Variants in RALYL observed in about 807,000 individuals in gnomAD.
RALYL encodes RNA-binding Raly-like protein.
In RALYL, 29 loss-of-function variants were observed where a neutral mutation model predicts 35.1. That is an observed-to-expected ratio of 0.83 (90% confidence interval 0.61 to 1.13). RALYL has a LOEUF of 1.13. Among genes scored for constraint, RALYL ranks in the 50% most tolerant of loss-of-function variants. The pLI is 0.00. For synonymous variants in RALYL, 120 were observed against 127.6 expected (o/e 0.94, Z 0.40); for missense variants, 359 against 360.4 (o/e 1.00, Z 0.03).
At chr8:84,258,665 G>A (rs1406370559) in intron 1 of RALYL, among the ~76,000 whole-genome samples, 2 of 152,042 alleles carry the variant, frequency 1.3e-5, no homozygotes, top group African/African-American at 2.4e-5. Flanking sequence ...TTTAATGGTT[G>A]GAAAGTAGAT....
intron 6 of RALYL, 120 bp from the exon 7 acceptor site, chr8:84,873,164 A>G (rs1467424852): frequency 3.9e-6 from 2 of 514,420 alleles, no homozygotes; most frequent in East Asian, 6.3e-5. Flanking sequence ...TAAAATTGAA[A>G]AATGTCCTAT....
At chr8:84,218,750 T>C (rs2131276092) in intron 1 of RALYL, among the ~76,000 whole-genome samples, 1 of 152,164 alleles carries the variant, frequency 6.6e-6, no homozygotes, top group Middle Eastern at 3.4e-3. Context: ...TGATTTTCTG[T>C]ACCTACCACA....
At chr8:84,750,447 G>T (rs181262577) in intron 2 of RALYL, among the ~76,000 whole-genome samples, 7 of 152,188 alleles carry the variant, frequency 4.6e-5, no homozygotes, top group Admixed American at 1.3e-4. Context: ...TCTGGCTCCT[G>T]GTTGAAGATG....
At chr8:84,461,904 T>C (rs899824362) in intron 1 of RALYL, among the ~76,000 whole-genome samples, 5 of 151,648 alleles carry the variant, frequency 3.3e-5, no homozygotes, top group African/African-American at 7.2e-5. Context: ...ATGGATATGC[T>C]ATTATTACCA....
intron 1 of RALYL, among the ~76,000 whole-genome samples, chr8:84,412,409 G>T (rs1364916287): frequency 1.3e-5 from 2 of 151,876 alleles, no homozygotes; most frequent in South Asian, 4.1e-4. Flanking sequence ...TTACGTGAAA[G>T]TTCACTTAGA....
At chr8:84,460,333 A>G (rs765844535) in intron 1 of RALYL, among the ~76,000 whole-genome samples, 4 of 151,682 alleles carry the variant, frequency 2.6e-5, no homozygotes, top group Admixed American at 1.3e-4. Context: ...ACTCCTACAA[A>G]TTTCACCTCC....
In RALYL at chr8:84,706,980, T is replaced by C. The variant is rs1242823842; in HGVS notation, c.257-67599T>C. Among the ~76,000 whole-genome samples, 3 of 152,218 alleles carry C rather than the reference T, an allele frequency of 2.0e-5. No homozygotes were observed. In the East Asian group the frequency reaches 5.8e-4, roughly 29 times the overall value. On this transcript the variant is annotated intron_variant, in intron 2 of 8. Coordinates refer to ENST00000521268, the MANE Select transcript of RALYL (RefSeq NM_173848.7). Reference sequence around the variant, plus strand: ...GTACTCAAAGTCTGTACTTTTTCATTATTTCTTTTGATGTCTTTAAATGTT... The same window carrying C: ...GTACTCAAAGTCTGTACTTTTTCATCATTTCTTTTGATGTCTTTAAATGTT...
At position 84,770,484 on chromosome 8, in the gene RALYL, A is replaced by G. The variant is rs148946811; in HGVS notation, c.257-4095A>G. ...TTTGGGCTCGTTCCATATTTTTGCAATTGTGAATTGTGCTGCTATAAATAT... is the reference window on the plus strand; with the variant it reads ...TTTGGGCTCGTTCCATATTTTTGCAGTTGTGAATTGTGCTGCTATAAATAT... On this transcript the variant is annotated intron_variant, in intron 2 of 8. Transcript: ENST00000521268. Among the ~76,000 whole-genome samples the G allele has an allele frequency of 7.7e-3, 1,164 of 150,940 alleles. 16 individuals are homozygous for G. The highest frequency in any genetic ancestry group is 0.026 in the African/African-American group (1,069 of 41,146).
intron 2 of RALYL, among the ~76,000 whole-genome samples, chr8:84,708,886 A>G (rs563354723): frequency 6.6e-6 from 1 of 152,346 alleles, no homozygotes; most frequent in East Asian, 1.9e-4. Context: ...TAGAAGCCAT[A>G]GGATTTTGAA....
chr8:84,758,637 A>ACAAC (rs1554573509), intron 2 of RALYL, among the ~76,000 whole-genome samples: 4 of 151,752 alleles, frequency 2.6e-5, no homozygotes, highest in African/African-American at 7.3e-5. Flanking sequence ...TGATGACATG[A>ACAAC]CAGCCAGCTC....
intron 2 of RALYL, among the ~76,000 whole-genome samples, chr8:84,552,936 C>G (rs1229251068): frequency 2.6e-5 from 4 of 151,594 alleles, no homozygotes; most frequent in Non-Finnish European, 5.9e-5. Context: ...GATTAAAGAT[C>G]CTGAGGTAGG....
chr8:84,735,832 G>A (rs181352940), intron 2 of RALYL, among the ~76,000 whole-genome samples: 2 of 151,824 alleles, frequency 1.3e-5, no homozygotes, highest in African/African-American at 4.8e-5. Context: ...GAGAGAGAGA[G>A]AGAGAGAGAG....
intron 2 of RALYL, among the ~76,000 whole-genome samples, chr8:84,751,485 G>A (rs1809996083): frequency 6.6e-6 from 1 of 152,056 alleles, no homozygotes; most frequent in African/African-American, 2.4e-5. Flanking sequence ...TGGGATTACA[G>A]GCGTGAACCA....
At chr8:84,468,421 A>G (rs1317282330) in intron 1 of RALYL, among the ~76,000 whole-genome samples, 1 of 151,214 alleles carries the variant, frequency 6.6e-6, no homozygotes, top group African/African-American at 2.4e-5. Flanking sequence ...TTGGCTGGAT[A>G]TGAAATTCTG....
chr8:84,329,988 A>G (rs1479892068), intron 1 of RALYL, among the ~76,000 whole-genome samples: 1 of 151,988 alleles, frequency 6.6e-6, no homozygotes, highest in Non-Finnish European at 1.5e-5. Flanking sequence ...AAACTGGAAA[A>G]TCAGAAAAGG....
At chr8:84,615,457 A>G (rs1432957851) in intron 2 of RALYL, among the ~76,000 whole-genome samples, 3 of 144,510 alleles carry the variant, frequency 2.1e-5, no homozygotes, top group African/African-American at 7.6e-5. Flanking sequence ...CACCTGCTTA[A>G]ATGCTCAATA....
At position 84,613,175 on chromosome 8, in the gene RALYL, T is replaced by C. The variant is rs961855659; in HGVS notation, c.256+83598T>C. Among the ~76,000 whole-genome samples, 19 of 151,822 alleles carry C rather than the reference T, an allele frequency of 1.3e-4. 1 individual carries two copies. Among genetic ancestry groups the C allele is most frequent in the African/African-American group, 4.1e-4 (17 of 41,254 alleles). The stretch of plus-strand genomic sequence containing the variant: ...GGTAGGCAGAGTTATGCTTGTCTTA[T>C]AGAATTACAGTCTGAGACCTGAAAG... On this transcript the variant is annotated intron_variant, in intron 2 of 8. Transcript: ENST00000521268.
intron 2 of RALYL, among the ~76,000 whole-genome samples, chr8:84,613,816 G>A (rs1007747130): frequency 1.3e-5 from 2 of 149,460 alleles, no homozygotes; most frequent in African/African-American, 5.0e-5. Flanking sequence ...TATTACTTAA[G>A]GTCAGAAATC....
chr8:84,877,889 T>C (rs1412427506), intron 7 of RALYL, among the ~76,000 whole-genome samples: 1 of 152,206 alleles, frequency 6.6e-6, no homozygotes, highest in East Asian at 1.9e-4. Flanking sequence ...ACACTTCAGA[T>C]TGAATTGGTG....
Sources: allele counts gnomAD v4.1 joint callset (sites outside exome capture counted in the v4.1 genomes callset), GRCh38; gene constraint gnomAD v4.1.1; transcripts MANE v1.5; gene names NCBI Gene and HGNC (gene_info 2026-07-23, HGNC 2026-07-21).